PDE1C: variants seen among roughly 807,000 people sequenced by gnomAD.
PDE1C encodes the protein dual specificity calcium/calmodulin-dependent 3',5'-cyclic nucleotide phosphodiesterase 1C.
Under a neutral mutation model 93.1 loss-of-function variants are expected in PDE1C, and 62 were observed. The ratio of observed to expected loss-of-function variants is 0.67; its 90% CI spans 0.54 to 0.82. PDE1C has a LOEUF of 0.82. Ranked by LOEUF, PDE1C falls within the 40% of genes least tolerant of loss-of-function variation. The pLI is 0.00. For synonymous variants in PDE1C, 325 were observed against 310.1 expected, an observed-to-expected ratio of 1.05 and a Z score of -0.50; for missense variants, 742 against 884.6, an observed-to-expected ratio of 0.84 and a Z score of 2.04.
At chr7:31,885,631 G>C (rs192187382) in intron 2 of PDE1C, among the ~76,000 whole-genome samples, 1 of 152,320 alleles carries the variant, frequency 6.6e-6, no homozygotes, top group Admixed American at 6.5e-5. Flanking sequence ...TGGAAGAGGG[G>C]AACTATGTGA....
chr7:31,967,910 G>C (rs1304225951), intron 2 of PDE1C, among the ~76,000 whole-genome samples: 5 of 152,044 alleles, frequency 3.3e-5, no homozygotes, highest in East Asian at 1.9e-4. Flanking sequence ...ATTCAACAAT[G>C]CTTCATGCTA....
intron 2 of PDE1C, among the ~76,000 whole-genome samples, chr7:31,990,244 G>A (rs1422606121): frequency 6.6e-6 from 1 of 152,106 alleles, no homozygotes; most frequent in Non-Finnish European, 1.5e-5. Flanking sequence ...TCATGGGGAC[G>A]GGTCTTTCCC....
intron 1 of PDE1C, among the ~76,000 whole-genome samples, chr7:32,211,360 C>T (rs540337277): frequency 1.5e-4 from 23 of 152,324 alleles, no homozygotes; most frequent in African/African-American, 5.3e-4. Context: ...AGAACCACCA[C>T]ATGAATATAA....
chr7:31,623,799 G>A, the PDE1C span, among the ~76,000 whole-genome samples: 5 of 152,010 alleles, frequency 3.3e-5, no homozygotes, highest in African/African-American at 1.2e-4. Context: ...GGAAATAAAG[G>A]GTATTCAATT....
Position 32,080,893 on chromosome 7 carries a change from C to T in PDE1C, c.308+88892G>A, listed in dbSNP as rs79863884. 7.0e-3 allele frequency among the ~76,000 whole-genome samples: 1,061 copies of T among 152,314 alleles called. 16 individuals carry two copies. The highest frequency in any genetic ancestry group is 0.023 in the African/African-American group (943 of 41,562). On this transcript the variant is annotated intron_variant, in intron 3 of 18. Coordinates refer to the PDE1C transcript ENST00000396193. Reference sequence around the variant, plus strand: ...CACTGTGACTCGGCCCATAATCCTTCACTCTTAGACTGACAGACCCATCAG... The same window carrying T: ...CACTGTGACTCGGCCCATAATCCTTTACTCTTAGACTGACAGACCCATCAG...
At chr7:32,260,322 C>T (rs1009038456) in intron 1 of PDE1C, among the ~76,000 whole-genome samples, 3 of 152,206 alleles carry the variant, frequency 2.0e-5, no homozygotes, top group African/African-American at 4.8e-5. Context: ...ACCCTGGAAA[C>T]CTTATTCAAC....
chr7:32,367,539 C>A (rs1315608086), intron 1 of PDE1C, among the ~76,000 whole-genome samples: 1 of 152,156 alleles, frequency 6.6e-6, no homozygotes, highest in African/African-American at 2.4e-5. Flanking sequence ...TAAAGACAGA[C>A]AGGCTGAAAG....
chr7:32,237,563 T>C (rs985961414), intron 1 of PDE1C, among the ~76,000 whole-genome samples: 23 of 151,294 alleles, frequency 1.5e-4, no homozygotes, highest in African/African-American at 4.6e-4. Flanking sequence ...AATTCTACAT[T>C]AATTTAAAAA....
At chr7:32,237,406 C>T (rs1808189031) in intron 1 of PDE1C, among the ~76,000 whole-genome samples, 1 of 151,906 alleles carries the variant, frequency 6.6e-6, no homozygotes, top group East Asian at 1.9e-4. Flanking sequence ...GTAGTTGCCA[C>T]GGGCTAGGGA....
chr7:32,190,095 A>G (rs1341951517), intron 2 of PDE1C, among the ~76,000 whole-genome samples: 2 of 152,198 alleles, frequency 1.3e-5, no homozygotes, highest in Admixed American at 1.3e-4. Flanking sequence ...CTTTCTTATT[A>G]GATTGCTCTA....
intron 2 of PDE1C, among the ~76,000 whole-genome samples, chr7:31,995,575 G>T (rs908003141): frequency 6.6e-6 from 1 of 151,832 alleles, no homozygotes; most frequent in Non-Finnish European, 1.5e-5. Flanking sequence ...TTTTATTGTT[G>T]TGCTTTGTTT....
chr7:32,069,265 G>T (rs1035391135), intron 1 of PDE1C, among the ~76,000 whole-genome samples: 1 of 152,250 alleles, frequency 6.6e-6, no homozygotes, highest in Non-Finnish European at 1.5e-5. Flanking sequence ...TTTGTCTTTT[G>T]TTTGTGTGTG....
the PDE1C span, among the ~76,000 whole-genome samples, chr7:31,645,487 T>C: frequency 6.6e-6 from 1 of 152,154 alleles, no homozygotes; most frequent in Non-Finnish European, 1.5e-5. Flanking sequence ...TTCCAAAAGT[T>C]CAGTGGAAGA....
At chr7:32,051,923 C>T (rs149023526) in intron 1 of PDE1C, among the ~76,000 whole-genome samples, 11 of 152,254 alleles carry the variant, frequency 7.2e-5, no homozygotes, top group African/African-American at 2.4e-4. Flanking sequence ...CCTTCCTTTA[C>T]CAGGTTCATG....
At chr7:31,617,729 G>A in the PDE1C span, among the ~76,000 whole-genome samples, 1 of 152,012 alleles carries the variant, frequency 6.6e-6, no homozygotes, top group Admixed American at 6.6e-5. Flanking sequence ...GTACTTTAAG[G>A]ATAATACTCT....
At chr7:32,302,426 T>C (rs215612), upstream of PDE1C, among the ~76,000 whole-genome samples, 151,513 of 152,340 alleles carry the variant, frequency 0.99, 75,348 homozygotes, top group Middle Eastern at 1. Flanking sequence ...TGTGTGATCC[T>C]GACTTCACTG....
chr7:32,319,142 C>T (rs994067960), intron 1 of PDE1C, among the ~76,000 whole-genome samples: 2 of 152,228 alleles, frequency 1.3e-5, no homozygotes, highest in Non-Finnish European at 2.9e-5. Context: ...CTGCTCCCGA[C>T]GCCTGCCTCT....
intron 3 of PDE1C, among the ~76,000 whole-genome samples, chr7:32,157,019 G>A (rs2128794917): frequency 6.6e-6 from 1 of 152,276 alleles, no homozygotes; most frequent in African/African-American, 2.4e-5. Context: ...TGTCACTTAT[G>A]TAGTATCCCT....
At chr7:31,807,977 A>G (rs1787067095) in intron 16 of PDE1C, among the ~76,000 whole-genome samples, 1 of 151,988 alleles carries the variant, frequency 6.6e-6, no homozygotes, top group South Asian at 2.1e-4. Flanking sequence ...ATTATGTAAT[A>G]AGACACCTGG....
Sources: allele counts gnomAD v4.1 joint callset (sites outside exome capture counted in the v4.1 genomes callset), GRCh38; gene constraint gnomAD v4.1.1; transcripts MANE v1.5; gene names NCBI Gene and HGNC (gene_info 2026-07-23, HGNC 2026-07-21).